Variants in FANCC observed in about 807,000 individuals in gnomAD.
The protein encoded by FANCC is Fanconi anemia group C protein.
A neutral mutation model predicts 71.3 loss-of-function variants in FANCC; 55 were observed. That is an observed-to-expected ratio of 0.77 (90% confidence interval 0.62 to 0.97). The LOEUF is 0.97. Ranked by LOEUF, FANCC falls within the 50% of genes least tolerant of loss-of-function variation. FANCC has a pLI of 0.00. For missense variants in FANCC, 678 were observed against 670.9 expected (o/e 1.01, Z -0.12); for synonymous variants, 275 against 244.9 (o/e 1.12, Z -1.15).
intron 10 of FANCC, among the ~76,000 whole-genome samples, chr9:95,117,928 G>T (rs2072559031): frequency 6.6e-6 from 1 of 152,090 alleles, no homozygotes; most frequent in Non-Finnish European, 1.5e-5. Flanking sequence ...CTCCATGTTG[G>T]TCAGGCTGGT....
intron 1 of FANCC, among the ~76,000 whole-genome samples, chr9:95,307,951 T>G (rs777191234): frequency 5.9e-5 from 9 of 152,350 alleles, no homozygotes; most frequent in Admixed American, 2.0e-4. Flanking sequence ...CACATCGCAA[T>G]GGAAGGCATC....
At chr9:95,162,645 T>C (rs1588206241) in intron 6 of FANCC, among the ~76,000 whole-genome samples, 1 of 152,342 alleles carries the variant, frequency 6.6e-6, no homozygotes, top group East Asian at 1.9e-4. Flanking sequence ...CTTTTGATAG[T>C]GGCCATTCTA....
At chr9:95,304,880 A>G (rs1408384828) in intron 1 of FANCC, among the ~76,000 whole-genome samples, 6 of 152,154 alleles carry the variant, frequency 3.9e-5, no homozygotes. Context: ...AGGTATCACC[A>G]TATCAACTAT....
intron 6 of FANCC, among the ~76,000 whole-genome samples, chr9:95,170,307 T>C (rs564744410): frequency 1.3e-5 from 2 of 151,996 alleles, no homozygotes; most frequent in South Asian, 2.1e-4. Flanking sequence ...CCTCTAATAA[T>C]TATATAGTTT....
chr9:95,253,696 T>G (rs1831489618), intron 1 of FANCC, among the ~76,000 whole-genome samples: 1 of 151,972 alleles, frequency 6.6e-6, no homozygotes, highest in African/African-American at 2.4e-5. Flanking sequence ...GGGGAACAGG[T>G]GGTATTTGGT....
At chr9:95,162,168 T>C (rs1421981252) in intron 6 of FANCC, among the ~76,000 whole-genome samples, 1 of 152,184 alleles carries the variant, frequency 6.6e-6, no homozygotes, top group Non-Finnish European at 1.5e-5. Context: ...CAAGTTTGAC[T>C]AATTTAGATA....
intron 4 of FANCC, among the ~76,000 whole-genome samples, chr9:95,192,892 C>A (rs186922345): frequency 6.6e-6 from 1 of 152,326 alleles, no homozygotes; most frequent in Non-Finnish European, 1.5e-5. Flanking sequence ...TAACCAACTA[C>A]ATAGTACTAC....
intron 4 of FANCC, among the ~76,000 whole-genome samples, chr9:95,179,825 T>C (rs1279736212): frequency 2.0e-5 from 3 of 152,254 alleles, no homozygotes; most frequent in Non-Finnish European, 1.5e-5. Flanking sequence ...TGAGTAGTTG[T>C]TGAGGCTGAG....
At chr9:95,217,403 T>G (rs950209162) in intron 4 of FANCC, among the ~76,000 whole-genome samples, 5 of 151,836 alleles carry the variant, frequency 3.3e-5, no homozygotes, top group African/African-American at 7.3e-5. Context: ...GAGAATGGCA[T>G]GAACCCAGGA....
intron 1 of FANCC, among the ~76,000 whole-genome samples, chr9:95,250,526 C>T (rs1339809468): frequency 2.0e-5 from 3 of 152,194 alleles, no homozygotes; most frequent in African/African-American, 7.2e-5. Context: ...GGGCAGCACA[C>T]ACACTAGAAC....
chr9:95,110,658 A>AAAC (rs760975319), intron 13 of FANCC: 9 of 1,048,202 alleles, frequency 8.6e-6, no homozygotes, highest in Non-Finnish European at 9.2e-6. Context: ...GTGTGTTTTC[A>AAAC]AACAACAGAA....
intron 4 of FANCC, among the ~76,000 whole-genome samples, chr9:95,231,167 C>T (rs1422530885): frequency 1.3e-5 from 2 of 152,170 alleles, no homozygotes; most frequent in Non-Finnish European, 2.9e-5. Flanking sequence ...ACTGTCATAC[C>T]AAATACTATT....
chr9:95,242,567 T>C (rs1223832863), intron 3 of FANCC, among the ~76,000 whole-genome samples: 2 of 151,910 alleles, frequency 1.3e-5, no homozygotes, highest in Non-Finnish European at 2.9e-5. Context: ...ACTGGGAGTT[T>C]CCCCAGGTGT....
At chr9:95,310,781 T>C (rs1321287038) in intron 1 of FANCC, among the ~76,000 whole-genome samples, 2 of 152,152 alleles carry the variant, frequency 1.3e-5, no homozygotes, top group Non-Finnish European at 2.9e-5. Flanking sequence ...GAGGAAAGGA[T>C]GTTGGCACTC....
chr9:95,231,695 A>T (rs1362220548), intron 4 of FANCC, among the ~76,000 whole-genome samples: 1 of 152,220 alleles, frequency 6.6e-6, no homozygotes, highest in Non-Finnish European at 1.5e-5. Flanking sequence ...AAGTGTGGAG[A>T]ACAGAGTTCG....
At chr9:95,132,109 C>G (rs1423709018) in intron 8 of FANCC, among the ~76,000 whole-genome samples, 2 of 152,188 alleles carry the variant, frequency 1.3e-5, no homozygotes, top group African/African-American at 4.8e-5. Flanking sequence ...CTTTTGGGGA[C>G]AAGTCTGCCT....
intron 4 of FANCC, among the ~76,000 whole-genome samples, chr9:95,204,888 G>A (rs1010433457): frequency 1.3e-5 from 2 of 152,120 alleles, no homozygotes; most frequent in African/African-American, 4.8e-5. Context: ...AGAATGGAAC[G>A]TACCATAGAA....
intron 4 of FANCC, among the ~76,000 whole-genome samples, chr9:95,194,044 C>T (rs1401893733): frequency 6.6e-6 from 1 of 152,180 alleles, no homozygotes; most frequent in African/African-American, 2.4e-5. Context: ...ATACACCAAA[C>T]CAACTGAAGA....
chr9:95,294,141 T>A, intron 1 of FANCC: 1 of 1,606,024 alleles, frequency 6.2e-7, no homozygotes, highest in South Asian at 1.1e-5. Flanking sequence ...TGTCAAGTAA[T>A]CTGCCTGCTC....
Sources: allele counts gnomAD v4.1 joint callset (sites outside exome capture counted in the v4.1 genomes callset), GRCh38; gene constraint gnomAD v4.1.1; transcripts MANE v1.5; gene names NCBI Gene and HGNC (gene_info 2026-07-23, HGNC 2026-07-21).